The following CYBRD1 variants were observed in gnomAD, a reference collection of about 807,000 sequenced individuals.
The protein encoded by CYBRD1 is plasma membrane ascorbate-dependent reductase CYBRD1.
CYBRD1 carries 14 observed loss-of-function variants against 21.9 expected under a neutral mutation model. The observed-to-expected ratio is 0.64, with a 90% CI of 0.42 to 1.00. The LOEUF (loss-of-function observed/expected upper bound fraction) is 1.00, where lower values mean the gene tolerates loss of function less well. CYBRD1 is among the 50% of genes least tolerant of loss of function. The pLI is 0.00. For synonymous variants in CYBRD1, 146 were observed against 136.5 expected (o/e 1.07, Z -0.48); for missense variants, 328 against 352.5 (o/e 0.93, Z 0.56).
intron 1 of CYBRD1, among the ~76,000 whole-genome samples, chr2:171,538,959 G>A (rs191224884): frequency 2.6e-4 from 40 of 152,010 alleles, no homozygotes; most frequent in African/African-American, 4.3e-4. Context: ...CACCACGCCC[G>A]GCTAATTTCT....
intron 1 of CYBRD1, among the ~76,000 whole-genome samples, chr2:171,526,675 G>T (rs534283520): frequency 6.6e-6 from 1 of 152,150 alleles, no homozygotes; most frequent in African/African-American, 2.4e-5. Context: ...TCAGAGAAAC[G>T]AACCTTGAAA....
chr2:171,552,442 A>G (rs1274950079), intron 2 of CYBRD1, among the ~76,000 whole-genome samples: 1 of 152,140 alleles, frequency 6.6e-6, no homozygotes, highest in East Asian at 1.9e-4. Context: ...CTGTCTCCCC[A>G]TTAGCCCTTG....
At chr2:171,531,924 C>T (rs556147723) in intron 1 of CYBRD1, among the ~76,000 whole-genome samples, 118 of 152,208 alleles carry the variant, frequency 7.8e-4, no homozygotes, top group South Asian at 3.5e-3. Flanking sequence ...GCTGCCTTTG[C>T]GAGGATTTTA....
In CYBRD1 at chr2:171,553,421, G is replaced by A. The variant is rs781047968; in HGVS notation, c.478G>A (p.Val160Ile). 3 of 1,613,638 alleles carry A rather than the reference G, an allele frequency of 1.9e-6. No homozygotes were observed. Among genetic ancestry groups the A allele is most frequent in the South Asian group, 1.1e-5 (1 of 91,074 alleles). The change falls in exon 3 of 4, where the codon GTT becomes ATT. Residue 160 changes from valine to isoleucine, a missense_variant. Coordinates refer to ENST00000321348, the MANE Select transcript of CYBRD1 (RefSeq NM_024843.4). ...CCGAGCATTTCTCATGCCCATACAT[G>A]TTTATTCTGGAATTGTCATCTTTGG... Reference protein sequence around the residue: ...SLRAFLMPIHVYSGIVIFGTV... With the variant: ...SLRAFLMPIHIYSGIVIFGTV...
chr2:171,544,078 C>G (rs1366638890), intron 2 of CYBRD1, among the ~76,000 whole-genome samples: 2 of 152,194 alleles, frequency 1.3e-5, no homozygotes, highest in Non-Finnish European at 2.9e-5. Flanking sequence ...AGCTTGCACC[C>G]TCTTTAAACT....
At chr2:171,553,578 A>C (rs1683424854) in intron 3 of CYBRD1, 78 bp downstream of exon 3, 2 of 1,260,664 alleles carry the variant, frequency 1.6e-6, no homozygotes, top group Non-Finnish European at 2.1e-6. Context: ...AAATGTAATA[A>C]AAATATAACA....
intron 1 of CYBRD1, among the ~76,000 whole-genome samples, chr2:171,529,267 C>T (rs2105330625): frequency 6.6e-6 from 1 of 152,290 alleles, no homozygotes; most frequent in African/African-American, 2.4e-5. Context: ...GGCGGTGGCT[C>T]ATGCCTGTAA....
rs71013042 is a variant in CYBRD1 at position 171,536,133 on chromosome 2, C to CTTTT, written c.194-5436_194-5433dup. Among the ~76,000 whole-genome samples, 141 of 110,220 alleles carry CTTTT rather than the reference C, an allele frequency of 1.3e-3. 4 individuals are homozygous for CTTTT. The highest frequency in any genetic ancestry group is 1.7e-3 in the African/African-American group (48 of 28,058). 72.3% of individuals were successfully genotyped at this position (110,220 alleles called of 152,430 possible). A position where few individuals can be genotyped will look rare whatever the true frequency, so the allele number is the denominator to read the frequency against. On this transcript the variant is annotated intron_variant, in intron 1 of 3. Coordinates refer to ENST00000321348, the MANE Select transcript of CYBRD1 (RefSeq NM_024843.4). ...GAGTCATGATATCATGATAGTTACT[C>CTTTT]TTTTTTTTTTTTTTTTTTTGAGACA... is the stretch of plus-strand genomic sequence containing the variant.
In CYBRD1 at chr2:171,555,758, C is replaced by G. The variant is rs935523717; in HGVS notation, c.*931C>G. 2.0e-5 allele frequency: 3 copies of G among 152,238 alleles called. No individual in the cohort carries two copies. Among genetic ancestry groups the G allele is most frequent in the Non-Finnish European group, 4.4e-5 (3 of 68,072 alleles). 9.4% of individuals were successfully genotyped at this position (152,238 alleles called of 1,614,324 possible). ...AGACGGGATGAAGTAGGTATTGTTACTGTTCCCATTTTACAGGTGAGAGAT... is the reference window on the plus strand; with the variant it reads ...AGACGGGATGAAGTAGGTATTGTTAGTGTTCCCATTTTACAGGTGAGAGAT... On this transcript the variant is annotated 3_prime_UTR_variant, in exon 4 of 4. Transcript: ENST00000321348.
chr2:171,523,738 G>A (rs1032299817), intron 1 of CYBRD1, among the ~76,000 whole-genome samples: 3 of 148,874 alleles, frequency 2.0e-5, no homozygotes, highest in African/African-American at 5.0e-5. Flanking sequence ...GCCTCTCAAT[G>A]TCCTGACTGC....
At position 171,554,660 on chromosome 2, in the gene CYBRD1, T is replaced by C; in HGVS notation, c.694T>C (p.Ser232Pro). 1 of 1,614,076 alleles carries C rather than the reference T, an allele frequency of 6.2e-7. No homozygotes were observed. Among genetic ancestry groups the C allele is most frequent in the South Asian group, 1.1e-5 (1 of 91,080 alleles). The change falls in exon 4 of 4, where the codon TCT becomes CCT. Residue 232 changes from serine to proline, a missense_variant. Ser to Pro is a moderately conservative substitution (Grantham distance 74). Coordinates refer to ENST00000321348, the MANE Select transcript of CYBRD1 (RefSeq NM_024843.4). The part of the protein sequence containing the change: ...PQWKRPKEPN[S>P]TILHPNGGTE... ...ATGGAAACGTCCTAAGGAGCCAAATTCTACCATTCTTCATCCAAATGGAGG... is the reference window on the plus strand; with the variant it reads ...ATGGAAACGTCCTAAGGAGCCAAATCCTACCATTCTTCATCCAAATGGAGG...
At chr2:171,537,643 A>G (rs1233326297) in intron 1 of CYBRD1, among the ~76,000 whole-genome samples, 5 of 152,268 alleles carry the variant, frequency 3.3e-5, no homozygotes, top group East Asian at 1.9e-4. Context: ...TGGTTGTGCT[A>G]TGGTACCATA....
rs923027814 is a variant in CYBRD1, at chr2:171,555,042, T to C, written c.*215T>C. Reference sequence around the variant, plus strand: ...TAATATAAATAATAGCAGATATAAATTGTGGTTATGTTACCTTTATCTTGT... The same window carrying C: ...TAATATAAATAATAGCAGATATAAACTGTGGTTATGTTACCTTTATCTTGT... On this transcript the variant is annotated 3_prime_UTR_variant, in exon 4 of 4. Coordinates refer to ENST00000321348, the MANE Select transcript of CYBRD1 (RefSeq NM_024843.4). 20 of 598,936 alleles carry C rather than the reference T, an allele frequency of 3.3e-5. No individual in the cohort carries two copies. The highest frequency in any genetic ancestry group is 5.5e-5 in the Non-Finnish European group (19 of 343,236). 37.1% of individuals were successfully genotyped at this position (598,936 alleles called of 1,614,324 possible).
chr2:171,549,271 A>C lies in CYBRD1; in HGVS notation c.403-4075A>C, dbSNP rs182999352. On this transcript the variant is annotated intron_variant, in intron 2 of 3. Coordinates refer to ENST00000321348, the MANE Select transcript of CYBRD1 (RefSeq NM_024843.4). The stretch of plus-strand genomic sequence containing the variant: ...GCTAATTTTTGTATTTTTAGTAGAG[A>C]AGGTGCTTCACCATGATGTCCAGGC... Among the ~76,000 whole-genome samples, 36 of 152,204 alleles carry C rather than the reference A, an allele frequency of 2.4e-4. 1 individual carries two copies. The East Asian group carries it at 6.6e-3, about 28-fold the overall frequency.
chr2:171,552,473 A>G (rs1310795968), intron 2 of CYBRD1, among the ~76,000 whole-genome samples: 1 of 152,186 alleles, frequency 6.6e-6, no homozygotes, highest in Non-Finnish European at 1.5e-5. Context: ...AAGAAAGCTG[A>G]ACAGTGATGT....
At chr2:171,527,387 G>T (rs1402007083) in intron 1 of CYBRD1, among the ~76,000 whole-genome samples, 1 of 152,194 alleles carries the variant, frequency 6.6e-6, no homozygotes, top group African/African-American at 2.4e-5. Context: ...TGGTAGACGA[G>T]TAAGTGGTTG....
At chr2:171,524,627 G>T (rs1303046926) in intron 1 of CYBRD1, among the ~76,000 whole-genome samples, 1 of 152,154 alleles carries the variant, frequency 6.6e-6, no homozygotes, top group Admixed American at 6.5e-5. Context: ...GTAAACTGAG[G>T]CAGAGAAGTT....
At chr2:171,554,419 A>G (rs1683444715) in intron 3 of CYBRD1, 105 bp from the exon 4 acceptor site, 3 of 1,085,942 alleles carry the variant, frequency 2.8e-6, no homozygotes, top group Non-Finnish European at 4.1e-6. Context: ...TTGAGAGTTT[A>G]CATTGAAACT....
chr2:171,542,045 G>A (rs551975430), intron 2 of CYBRD1, among the ~76,000 whole-genome samples: 1 of 151,678 alleles, frequency 6.6e-6, no homozygotes, highest in East Asian at 1.9e-4. Context: ...TTGTATTTTA[G>A]TAGAGATGGG....
Sources: gnomAD v4.1 joint callset for allele counts (sites outside exome capture counted in the v4.1 genomes callset) on GRCh38, gnomAD v4.1.1 for gene constraint, MANE v1.5 for transcripts, NCBI Gene and HGNC (gene_info 2026-07-23, HGNC 2026-07-21) for gene names.